The following KCNMA1 variants were observed in gnomAD, a reference collection of about 807,000 sequenced individuals.
The protein encoded by KCNMA1 is Calcium-activated potassium channel subunit alpha-1.
KCNMA1 carries 29 observed loss-of-function variants against 140.0 expected under a neutral mutation model. That is an observed-to-expected ratio of 0.21 (90% confidence interval 0.15 to 0.28). The LOEUF (loss-of-function observed/expected upper bound fraction) is 0.28, where lower values mean the gene tolerates loss of function less well. KCNMA1 is among the 10% of genes least tolerant of loss of function. The pLI, the probability that KCNMA1 is intolerant of heterozygous loss-of-function variation, is 1.00. For synonymous variants in KCNMA1, 612 were observed against 611.9 expected (o/e 1.00, Z 0.00); for missense variants, 880 against 1,602.2 (o/e 0.55, Z 7.70).
At chr10:77,306,319 A>G (rs1422611603) in intron 2 of KCNMA1, among the ~76,000 whole-genome samples, 2 of 152,226 alleles carry the variant, frequency 1.3e-5, no homozygotes, top group Non-Finnish European at 2.9e-5. Flanking sequence ...GGGAAAGTAC[A>G]GCAAGCTATG....
intron 6 of KCNMA1, among the ~76,000 whole-genome samples, chr10:77,113,521 T>A (rs2097374419): frequency 6.6e-6 from 1 of 152,224 alleles, no homozygotes; most frequent in Non-Finnish European, 1.5e-5. Flanking sequence ...TGGAGTGCAG[T>A]GGCACGGTCT....
chr10:76,964,669 C>A (rs949691102), intron 20 of KCNMA1, among the ~76,000 whole-genome samples: 1 of 152,130 alleles, frequency 6.6e-6, no homozygotes, highest in African/African-American at 2.4e-5. Context: ...GTCCATTTTG[C>A]CATTTTCTAT....
At position 76,944,828 on chromosome 10, in the gene KCNMA1, G is replaced by A. The variant is rs745890036; in HGVS notation, c.2847C>T (p.Asn949=). The part of the protein sequence containing the change: ...QDKECILASL[N]IKSMQFDDSI... ...TGTCATCAAACTGCATAGATTTGAT[G>A]TTGAGTGACGCCAAGATGCATTCCT... The change falls in exon 23 of 28, where the codon AAC becomes AAT. Residue 949 remains asparagine (N), a synonymous_variant. Transcript: ENST00000286628. 7 of 1,614,064 alleles carry A rather than the reference G, an allele frequency of 4.3e-6. No homozygotes were observed. The South Asian group carries it at 5.5e-5, about 13-fold the overall frequency.
intron 2 of KCNMA1, among the ~76,000 whole-genome samples, chr10:77,373,999 T>C (rs2094916351): frequency 6.6e-6 from 1 of 152,082 alleles, no homozygotes; most frequent in Admixed American, 6.6e-5. Flanking sequence ...GGGTGGATAA[T>C]GGGAGATGAG....
At chr10:77,070,127 T>C (rs1379907513) in intron 14 of KCNMA1, among the ~76,000 whole-genome samples, 1 of 152,150 alleles carries the variant, frequency 6.6e-6, no homozygotes, top group African/African-American at 2.4e-5. Flanking sequence ...GTAATCCCTC[T>C]TTCTTTTATT....
chr10:77,338,575 C>T (rs1335769816), intron 2 of KCNMA1, among the ~76,000 whole-genome samples: 1 of 152,194 alleles, frequency 6.6e-6, no homozygotes, highest in Non-Finnish European at 1.5e-5. Flanking sequence ...GCTCAGTTCA[C>T]ACCCCATCTC....
intron 25 of KCNMA1, among the ~76,000 whole-genome samples, chr10:76,897,107 AT>A (rs919087542): frequency 2.0e-5 from 3 of 152,080 alleles, no homozygotes; most frequent in South Asian, 4.1e-4. Flanking sequence ...AGATATAGGG[AT>A]TTTTGTTTGT....
intron 1 of KCNMA1, among the ~76,000 whole-genome samples, chr10:77,465,118 A>G (rs1290790318): frequency 6.6e-6 from 1 of 152,228 alleles, no homozygotes. Flanking sequence ...GCCAGGCCTG[A>G]GTCCCTCTCG....
chr10:77,620,658 C>T (rs1426137750), intron 1 of KCNMA1, among the ~76,000 whole-genome samples: 3 of 152,170 alleles, frequency 2.0e-5, no homozygotes, highest in African/African-American at 4.8e-5. Flanking sequence ...CGTCATAACC[C>T]CACATCCCCA....
At chr10:77,471,684 C>G (rs1276113184) in intron 1 of KCNMA1, among the ~76,000 whole-genome samples, 1 of 150,418 alleles carries the variant, frequency 6.6e-6, no homozygotes, top group Non-Finnish European at 1.5e-5. Context: ...ACCACACACA[C>G]TATACACACA....
chr10:77,389,862 C>T (rs910498510), intron 2 of KCNMA1, among the ~76,000 whole-genome samples: 2 of 152,294 alleles, frequency 1.3e-5, no homozygotes, highest in African/African-American at 2.4e-5. Context: ...CCGTAACTCA[C>T]GGGGCCTTGT....
At chr10:77,004,176 A>C (rs988759602) in intron 18 of KCNMA1, among the ~76,000 whole-genome samples, 8 of 151,742 alleles carry the variant, frequency 5.3e-5, no homozygotes, top group African/African-American at 1.9e-4. Flanking sequence ...CTCACACCAA[A>C]TGCAAAATAG....
intron 1 of KCNMA1, among the ~76,000 whole-genome samples, chr10:77,608,405 C>T (rs1567842950): frequency 6.6e-6 from 1 of 152,128 alleles, no homozygotes; most frequent in Non-Finnish European, 1.5e-5. Context: ...AACTCCTGGG[C>T]TCAAGCGATC....
At chr10:77,554,972 A>T (rs2154557732) in intron 1 of KCNMA1, among the ~76,000 whole-genome samples, 1 of 152,144 alleles carries the variant, frequency 6.6e-6, no homozygotes, top group South Asian at 2.1e-4. Context: ...ATAATATGAA[A>T]GTGACTTCTC....
At chr10:77,165,190 C>T (rs1305933907) in intron 5 of KCNMA1, among the ~76,000 whole-genome samples, 1 of 152,058 alleles carries the variant, frequency 6.6e-6, no homozygotes, top group Admixed American at 6.6e-5. Context: ...GGGACCCACC[C>T]AACGGTAGTC....
chr10:77,489,739 A>G (rs958935861), intron 1 of KCNMA1, among the ~76,000 whole-genome samples: 3 of 152,246 alleles, frequency 2.0e-5, no homozygotes, highest in African/African-American at 7.2e-5. Context: ...TTAATATCAC[A>G]AGAGAAAGAG....
chr10:77,083,336 C>G (rs2096621556), intron 12 of KCNMA1, among the ~76,000 whole-genome samples: 1 of 152,098 alleles, frequency 6.6e-6, no homozygotes, highest in Non-Finnish European at 1.5e-5. Flanking sequence ...AATGTGACTA[C>G]TGGGTTTATG....
At chr10:77,133,376 G>T (rs560135927) in intron 5 of KCNMA1, among the ~76,000 whole-genome samples, 1 of 151,738 alleles carries the variant, frequency 6.6e-6, no homozygotes, top group South Asian at 2.1e-4. Context: ...AATTCCAGGC[G>T]CATGCTATTT....
chr10:77,415,678 C>G (rs2096725510), intron 1 of KCNMA1, among the ~76,000 whole-genome samples: 1 of 152,212 alleles, frequency 6.6e-6, no homozygotes, highest in South Asian at 2.1e-4. Context: ...TCCTGTAGAC[C>G]AGGAGGAGGA....
Sources: gnomAD v4.1 joint callset for allele counts (sites outside exome capture counted in the v4.1 genomes callset) on GRCh38, gnomAD v4.1.1 for gene constraint, MANE v1.5 for transcripts, NCBI Gene and HGNC (gene_info 2026-07-23, HGNC 2026-07-21) for gene names.